The following DDO variants were observed in gnomAD, a reference collection of about 807,000 sequenced individuals.
The protein encoded by DDO is D-aspartate oxidase, DDO.
A neutral mutation model predicts 16.8 loss-of-function variants in DDO; 16 were observed. That is an observed-to-expected ratio of 0.95 (90% CI 0.65 to 1.45). The LOEUF (loss-of-function observed/expected upper bound fraction) is 1.45. Ranked by LOEUF, DDO falls within the 40% of genes most tolerant of loss-of-function variation. DDO has a pLI of 0.00. For synonymous variants in DDO, 180 were observed against 167.2 expected (o/e 1.08, Z -0.59); for missense variants, 429 against 420.3 (o/e 1.02, Z -0.18).
At chr6:110,402,255 AGAATAT>A (rs1773507798) in intron 4 of DDO, among the ~76,000 whole-genome samples, 2 of 152,250 alleles carry the variant, frequency 1.3e-5, no homozygotes, top group Admixed American at 6.5e-5. Context: ...GACAATTGGC[AGAATAT>A]GAATAAGGTC....
intron 1 of DDO, among the ~76,000 whole-genome samples, chr6:110,413,736 T>A (rs1161766526): frequency 6.6e-6 from 1 of 152,094 alleles, no homozygotes; most frequent in Non-Finnish European, 1.5e-5. Context: ...AGTAAGTAGG[T>A]CTGCATTTGG....
In DDO at chr6:110,392,728, GC is replaced by G; in HGVS notation, c.*46del. ...GAAAAGTTATTTGAACCTGTTCTGT[GC>G]TTTGATCAACAGTCTCTCAGTCTCT... is the stretch of plus-strand genomic sequence containing the variant. On this transcript the variant is annotated 3_prime_UTR_variant, in exon 5 of 5. Coordinates refer to ENST00000368924, the MANE Select transcript of DDO (RefSeq NM_001372108.2). The G allele has an allele frequency of 6.7e-7, 1 of 1,497,468 alleles. No individual in the cohort carries two copies. The highest frequency in any genetic ancestry group is 8.9e-7 in the Non-Finnish European group (1 of 1,127,334). The allele number at this position is 1,497,468 out of a possible 1,614,324, so 92.8% of individuals were successfully genotyped here.
chr6:110,404,610 G>C (rs1296614466), intron 4 of DDO, among the ~76,000 whole-genome samples, 164 bp downstream of exon 4: 1 of 152,216 alleles, frequency 6.6e-6, no homozygotes, highest in African/African-American at 2.4e-5. Context: ...CATAAACACT[G>C]TCTTCAGATT....
intron 4 of DDO, among the ~76,000 whole-genome samples, chr6:110,402,486 G>C (rs1773514958): frequency 1.3e-5 from 2 of 152,136 alleles, no homozygotes; most frequent in Admixed American, 1.3e-4. Context: ...CCATCATGGT[G>C]AAACCCTGTC....
At chr6:110,414,390 G>C (rs1346755230) in intron 1 of DDO, among the ~76,000 whole-genome samples, 5 of 152,352 alleles carry the variant, frequency 3.3e-5, no homozygotes, top group Middle Eastern at 3.4e-3. Context: ...CTGTAACACA[G>C]AACAGATGGA....
intron 4 of DDO, among the ~76,000 whole-genome samples, chr6:110,398,013 G>C (rs769164029): frequency 6.6e-6 from 1 of 152,142 alleles, no homozygotes; most frequent in East Asian, 1.9e-4. Flanking sequence ...GGGGTGACAT[G>C]GTTGGAGGTA....
chr6:110,393,098 C>T lies in DDO; in HGVS notation c.703G>A (p.Gly235Arg), dbSNP rs769940950. The change falls in exon 5 of 5, where the codon GGA becomes AGA. Residue 235 changes from glycine (G) to arginine (R), a missense_variant. Coordinates refer to ENST00000368924, the MANE Select transcript of DDO (RefSeq NM_001372108.2). ...YPGTSHVTLGGTRQKGDWNLS... is the reference protein window; with the variant it reads ...YPGTSHVTLGRTRQKGDWNLS... ...TTCCAGTCCCCTTTTTGCCTAGTTC[C>T]ACCTAGGGTTACATGGGATGTACCA... is the stretch of plus-strand genomic sequence containing the variant. The T allele has an allele frequency of 6.2e-7, 1 of 1,613,804 alleles. No homozygotes were observed. Among genetic ancestry groups the T allele is most frequent in the Non-Finnish European group, 8.5e-7 (1 of 1,179,674 alleles).
chr6:110,412,732 C>G (rs1026149687), intron 2 of DDO, among the ~76,000 whole-genome samples: 48 of 152,348 alleles, frequency 3.2e-4, no homozygotes, highest in Non-Finnish European at 1.9e-4. Flanking sequence ...CTTGCTGATG[C>G]TCAATCCACA....
intron 3 of DDO, among the ~76,000 whole-genome samples, chr6:110,407,709 C>A (rs1773704859): frequency 2.6e-5 from 4 of 152,184 alleles, no homozygotes; most frequent in Admixed American, 2.6e-4. Flanking sequence ...TAAAAGATGT[C>A]ATGTTTTAAG....
chr6:110,403,766 A>G (rs1017415923), intron 4 of DDO, among the ~76,000 whole-genome samples: 2 of 152,188 alleles, frequency 1.3e-5, no homozygotes, highest in African/African-American at 2.4e-5. Flanking sequence ...TGTTACCATC[A>G]TTGTTAATTA....
Position 110,393,042 on chromosome 6 carries a change from C to G in DDO, c.759G>C (p.Glu253Asp). 6.2e-7 allele frequency: 1 copy of G among 1,611,982 alleles called. No individual in the cohort carries two copies. The highest frequency in any genetic ancestry group is 8.5e-7 in the Non-Finnish European group (1 of 1,178,068). The change falls in exon 5 of 5, where the codon GAG becomes GAC. Residue 253 changes from glutamate (E) to aspartate (D), a missense_variant. By Grantham distance (45) the Glu-to-Asp change is conservative. Transcript: ENST00000368924. ...CCAGAGCACAGCATCGGGAAAGAAT[C>G]TCTCTGCTATTTTCTGCATCCGGGG... is the stretch of plus-strand genomic sequence containing the variant. Reference protein sequence around the residue: ...NLSPDAENSREILSRCCALEP... With the variant: ...NLSPDAENSRDILSRCCALEP...
chr6:110,394,133 C>T (rs1773211179), intron 4 of DDO, among the ~76,000 whole-genome samples: 1 of 151,462 alleles, frequency 6.6e-6, no homozygotes, highest in Non-Finnish European at 1.5e-5. Flanking sequence ...GAGATGGGGT[C>T]TCACTCTGTC....
At chr6:110,394,558 G>C (rs147258121) in intron 4 of DDO, among the ~76,000 whole-genome samples, 1 of 152,190 alleles carries the variant, frequency 6.6e-6, no homozygotes, top group South Asian at 2.1e-4. Context: ...GCTTGCATGC[G>C]GGGCACTGCT....
chr6:110,401,241 C>G (rs1354634191), intron 4 of DDO, among the ~76,000 whole-genome samples: 2 of 152,048 alleles, frequency 1.3e-5, no homozygotes, highest in African/African-American at 4.8e-5. Flanking sequence ...AGCTACACCT[C>G]AAATCAGGAT....
chr6:110,411,233 T>C (rs1251781845), intron 2 of DDO, among the ~76,000 whole-genome samples: 1 of 152,168 alleles, frequency 6.6e-6, no homozygotes, highest in Non-Finnish European at 1.5e-5. Flanking sequence ...CTTACTCCAG[T>C]GAGCTCACTG....
intron 1 of DDO, 148 bp downstream of exon 1, chr6:110,415,319 T>C (rs1774009505): frequency 2.9e-6 from 3 of 1,049,150 alleles, no homozygotes. Context: ...AATAACCAGC[T>C]GCCAGGGAGG....
At chr6:110,408,217 C>T in intron 3 of DDO, 117 bp downstream of exon 3, 1 of 885,086 alleles carries the variant, frequency 1.1e-6, no homozygotes, top group South Asian at 1.7e-5. Flanking sequence ...CCGAATCCTC[C>T]TGCATCTAAG....
At chr6:110,398,408 AC>A (rs1171577557) in intron 4 of DDO, among the ~76,000 whole-genome samples, 2 of 149,120 alleles carry the variant, frequency 1.3e-5, no homozygotes, top group African/African-American at 5.1e-5. Flanking sequence ...ACACACACAC[AC>A]ACACACACAC....
chr6:110,415,318 C>A, intron 1 of DDO, 149 bp downstream of exon 1: 2 of 1,039,048 alleles, frequency 1.9e-6, no homozygotes, highest in Non-Finnish European at 2.7e-6. Flanking sequence ...GAATAACCAG[C>A]TGCCAGGGAG....
Sources: allele counts gnomAD v4.1 joint callset (sites outside exome capture counted in the v4.1 genomes callset), GRCh38; gene constraint gnomAD v4.1.1; transcripts MANE v1.5; gene names NCBI Gene and HGNC (gene_info 2026-07-23, HGNC 2026-07-21).